Variants in CTNNA2 observed in about 807,000 individuals in gnomAD.
CTNNA2 encodes the protein catenin alpha-2.
In CTNNA2, 42 loss-of-function variants were observed where a neutral mutation model predicts 101.0. The ratio of observed to expected loss-of-function variants is 0.42; its 90% confidence interval spans 0.32 to 0.54. The LOEUF (loss-of-function observed/expected upper bound fraction) is 0.54. CTNNA2 is among the 20% of genes least tolerant of loss of function. The pLI, the probability that CTNNA2 is intolerant of heterozygous loss-of-function variation, is 0.14. For synonymous variants in CTNNA2, 450 were observed against 456.4 expected (o/e 0.99, Z 0.18); for missense variants, 871 against 1,223.1 (o/e 0.71, Z 4.29).
chr2:79,848,337 C>T (rs975957809), intron 3 of CTNNA2, among the ~76,000 whole-genome samples: 1 of 152,160 alleles, frequency 6.6e-6, no homozygotes, highest in African/African-American at 2.4e-5. Flanking sequence ...CCATTTTTCT[C>T]TTAAGCTTAG....
At chr2:79,419,619 A>C (rs1678518392) in intron 4 of CTNNA2, among the ~76,000 whole-genome samples, 1 of 152,108 alleles carries the variant, frequency 6.6e-6, no homozygotes, top group African/African-American at 2.4e-5. Context: ...TTTAGATATA[A>C]AATTTATTAA....
chr2:79,201,359 C>T (rs534649939), intron 2 of CTNNA2, among the ~76,000 whole-genome samples: 6 of 152,098 alleles, frequency 3.9e-5, no homozygotes, highest in African/African-American at 1.4e-4. Context: ...AAGACAAAAC[C>T]CCAATTCAGC....
intron 7 of CTNNA2, among the ~76,000 whole-genome samples, chr2:79,967,117 CGT>C (rs56007530): frequency 0.16 from 23,494 of 149,554 alleles, 1,980 homozygotes; most frequent in South Asian, 0.2. Context: ...CGCGCACGCA[CGT>C]GTGTGTGTGT....
intron 3 of CTNNA2, among the ~76,000 whole-genome samples, chr2:79,750,110 C>T (rs1671917715): frequency 1.3e-5 from 2 of 152,196 alleles, no homozygotes; most frequent in African/African-American, 2.4e-5. Flanking sequence ...TTCTTGAAAA[C>T]AAGGAATGCA....
intron 2 of CTNNA2, among the ~76,000 whole-genome samples, chr2:79,657,263 T>C (rs184342824): frequency 3.3e-5 from 5 of 151,594 alleles, no homozygotes; most frequent in Non-Finnish European, 5.9e-5. Flanking sequence ...CAGAAGTAAA[T>C]CCCGAAACAA....
chr2:80,577,210 A>G (rs1478947446), intron 13 of CTNNA2, among the ~76,000 whole-genome samples: 1 of 152,166 alleles, frequency 6.6e-6, no homozygotes, highest in African/African-American at 2.4e-5. Flanking sequence ...CAGGATTTCT[A>G]TTCCTCTGGT....
intron 18 of CTNNA2, among the ~76,000 whole-genome samples, chr2:80,642,871 G>A (rs1673641351): frequency 6.6e-6 from 1 of 152,096 alleles, no homozygotes; most frequent in Non-Finnish European, 1.5e-5. Context: ...CAGTCTTTCT[G>A]CCCATTCAAA....
intron 7 of CTNNA2, among the ~76,000 whole-genome samples, chr2:80,381,012 G>T (rs531694409): frequency 6.6e-6 from 1 of 152,122 alleles, no homozygotes; most frequent in African/African-American, 2.4e-5. Flanking sequence ...GCCTCATAAA[G>T]TTTTCATTGG....
chr2:80,332,981 C>T (rs1316803622), intron 7 of CTNNA2, among the ~76,000 whole-genome samples: 1 of 152,086 alleles, frequency 6.6e-6, no homozygotes, highest in Non-Finnish European at 1.5e-5. Context: ...ATATAAAATT[C>T]AGATTTTAGT....
chr2:80,183,882 T>C (rs1705946153), intron 7 of CTNNA2, among the ~76,000 whole-genome samples: 1 of 91,036 alleles, frequency 1.1e-5, no homozygotes, highest in Admixed American at 1.0e-4. Flanking sequence ...TGTGTGCTCT[T>C]GGGTGTGTGT....
rs577706197 is a variant in CTNNA2, at chr2:79,996,809, G to A, written c.1056+87012G>A. On this transcript the variant is annotated intron_variant, in intron 7 of 18. Transcript: ENST00000402739. Reference sequence around the variant, plus strand: ...TGCAGAGAACTTGTCACACTGGGGAGCGATAGGAAACCTGCTCAGAAACAT... The same window carrying A: ...TGCAGAGAACTTGTCACACTGGGGAACGATAGGAAACCTGCTCAGAAACAT... Among the ~76,000 whole-genome samples, 4 of 152,276 alleles carry A rather than the reference G, an allele frequency of 2.6e-5. No homozygotes were observed. The South Asian group carries it at 8.3e-4, about 32-fold the overall frequency.
At chr2:79,519,160 C>CGGA (rs1275194989) in intron 1 of CTNNA2, among the ~76,000 whole-genome samples, 2 of 144,406 alleles carry the variant, frequency 1.4e-5, no homozygotes, top group Non-Finnish European at 3.0e-5. Context: ...ACCCAGGAGG[C>CGGA]GGAGGCTGCA....
intron 11 of CTNNA2, among the ~76,000 whole-genome samples, chr2:80,551,514 G>C (rs12479376): frequency 0.78 from 118,693 of 152,216 alleles, 46,372 homozygotes; most frequent in East Asian, 0.89. Flanking sequence ...GGATAACTTG[G>C]CACAGGTTCT....
intron 4 of CTNNA2, among the ~76,000 whole-genome samples, chr2:79,393,155 GTCA>G (rs1419326446): frequency 6.6e-6 from 1 of 152,140 alleles, no homozygotes; most frequent in Non-Finnish European, 1.5e-5. Flanking sequence ...GGTGGTACTG[GTCA>G]TAGCTGTGCC....
chr2:79,721,077 A>T (rs889082671), intron 2 of CTNNA2, among the ~76,000 whole-genome samples: 3 of 150,860 alleles, frequency 2.0e-5, no homozygotes, highest in African/African-American at 7.3e-5. Context: ...TTTAAATCAC[A>T]TCATGCTTCT....
intron 9 of CTNNA2, among the ~76,000 whole-genome samples, chr2:80,447,441 TG>T (rs1331368965): frequency 6.6e-6 from 1 of 152,202 alleles, no homozygotes; most frequent in Admixed American, 6.5e-5. Context: ...CTTCTTGGTA[TG>T]GGGTTGTTGT....
At chr2:80,287,788 C>A (rs1375096498) in intron 7 of CTNNA2, among the ~76,000 whole-genome samples, 2 of 152,144 alleles carry the variant, frequency 1.3e-5, no homozygotes, top group African/African-American at 4.8e-5. Flanking sequence ...GCCCTAACGG[C>A]TGACAAACAT....
chr2:80,643,977 T>G (rs1238838796), intron 18 of CTNNA2, among the ~76,000 whole-genome samples: 1 of 152,128 alleles, frequency 6.6e-6, no homozygotes, highest in Non-Finnish European at 1.5e-5. Context: ...TAAAAGGATG[T>G]TGCCAGGTTT....
intron 3 of CTNNA2, among the ~76,000 whole-genome samples, chr2:79,359,671 A>G (rs1677585607): frequency 6.6e-6 from 1 of 152,212 alleles, no homozygotes; most frequent in Non-Finnish European, 1.5e-5. Context: ...TTCCTAGATC[A>G]CTTACCCCCA....
Sources: gnomAD v4.1 joint callset for allele counts (sites outside exome capture counted in the v4.1 genomes callset) on GRCh38, gnomAD v4.1.1 for gene constraint, MANE v1.5 for transcripts, NCBI Gene and HGNC (gene_info 2026-07-23, HGNC 2026-07-21) for gene names.